The following C16orf96 variants were observed in gnomAD, a reference collection of about 807,000 sequenced individuals.
C16orf96 encodes uncharacterized protein C16orf96.
Under a neutral mutation model 103.6 loss-of-function variants are expected in C16orf96, and 108 were observed. The observed-to-expected ratio is 1.04, with a 90% CI of 0.89 to 1.22. The LOEUF (loss-of-function observed/expected upper bound fraction) is 1.22, where lower values mean the gene tolerates loss of function less well. Ranked by LOEUF, C16orf96 falls within the 50% of genes most tolerant of loss-of-function variation. The pLI, the probability that C16orf96 is intolerant of heterozygous loss-of-function variation, is 0.00. For synonymous variants in C16orf96, 566 were observed against 593.5 expected (o/e 0.95, Z 0.67); for missense variants, 1,586 against 1,464.2 (o/e 1.08, Z -1.36).
At chr16:4,561,524 GC>G (rs925183245) in intron 1 of C16orf96, 1 of 152,226 alleles carries the variant, frequency 6.6e-6, no homozygotes, top group Non-Finnish European at 1.5e-5. Context: ...CCCCTGGCCT[GC>G]CTTGATGGAT....
At position 4,588,297 on chromosome 16, in the gene C16orf96, C is replaced by G; in HGVS notation, c.2558C>G (p.Ala853Gly). ...VTIHEDSWKKAMEELSKDVNT... is the reference protein window; with the variant it reads ...VTIHEDSWKKGMEELSKDVNT... The stretch of plus-strand genomic sequence containing the variant: ...ATCCATGAGGACAGCTGGAAGAAGG[C>G]TATGGAGGAGCTCAGCAAGGACGTG... The change falls in exon 9 of 16, where the codon GCT (alanine) becomes GGT (glycine). Residue 853 changes from alanine (A) to glycine (G), a missense_variant. Transcript: ENST00000444310. 6.4e-7 allele frequency: 1 copy of G among 1,551,654 alleles called. No individual in the cohort carries two copies. Among genetic ancestry groups the G allele is most frequent in the Non-Finnish European group, 8.7e-7 (1 of 1,146,934 alleles).
chr16:4,575,106 G>T (rs1023103012), intron 4 of C16orf96, 48 bp downstream of exon 4: 3 of 1,548,482 alleles, frequency 1.9e-6, no homozygotes, highest in Non-Finnish European at 2.6e-6. Context: ...GGGAGCAGGC[G>T]GGTGGCTGAC....
At chr16:4,571,957 C>G (rs1184184095) in intron 2 of C16orf96, among the ~76,000 whole-genome samples, 2 of 151,782 alleles carry the variant, frequency 1.3e-5, no homozygotes, top group Non-Finnish European at 2.9e-5. Context: ...TCAAGTGATT[C>G]TCCTGCCTGA....
intron 1 of C16orf96, among the ~76,000 whole-genome samples, chr16:4,569,719 G>C (rs534534368): frequency 6.6e-6 from 1 of 151,502 alleles, no homozygotes; most frequent in South Asian, 2.1e-4. Context: ...AAAAAAGAAG[G>C]CAAAGATAGT....
chr16:4,575,556 C>T lies in C16orf96; in HGVS notation c.1076C>T (p.Thr359Ile), dbSNP rs1377565320. ...ALGPVPGPSVTPGSLPAPWPV... is the reference protein window; with the variant it reads ...ALGPVPGPSVIPGSLPAPWPV... ...GGGCCTGTCCCAGGGCCCAGTGTGA[C>T]ACCTGGGTCCTTGCCAGCACCTTGG... Residue 359 changes from threonine (T) to isoleucine (I), a missense_variant, in exon 5 of 16, where the codon ACA (threonine) becomes ATA (isoleucine). Thr to Ile is a moderately conservative substitution (Grantham distance 89). Transcript: ENST00000444310. The T allele has an allele frequency of 2.0e-6, 3 of 1,533,678 alleles. No homozygotes were observed. The highest frequency in any genetic ancestry group is 2.8e-5 in the African/African-American group (2 of 72,638).
chr16:4,578,145 T>C (rs1421822176), intron 5 of C16orf96, among the ~76,000 whole-genome samples: 1 of 152,120 alleles, frequency 6.6e-6, no homozygotes, highest in Non-Finnish European at 1.5e-5. Flanking sequence ...TTTTTTTAAT[T>C]ATTGTTATTA....
chr16:4,542,684 G>C, the C16orf96 span, among the ~76,000 whole-genome samples: 29,245 of 151,562 alleles, frequency 0.19, 3,095 homozygotes, highest in Middle Eastern at 0.3. Flanking sequence ...TGTAATCCCA[G>C]CTACTCGGGA....
chr16:4,570,825 C>A (rs2059430008), intron 1 of C16orf96, among the ~76,000 whole-genome samples: 1 of 152,120 alleles, frequency 6.6e-6, no homozygotes, highest in Non-Finnish European at 1.5e-5. Context: ...GCAATAATTT[C>A]TGCAGGCAGC....
chr16:4,560,333 C>CT (rs2059315043), intron 1 of C16orf96: 1 of 152,232 alleles, frequency 6.6e-6, no homozygotes, highest in South Asian at 2.1e-4. Context: ...TCCCAAGTAG[C>CT]TGGGACTGTA....
chr16:4,545,347 CA>C, the C16orf96 span, among the ~76,000 whole-genome samples: 2 of 152,220 alleles, frequency 1.3e-5, no homozygotes, highest in African/African-American at 4.8e-5. Context: ...GCTGGGACTA[CA>C]GGTGCATGCA....
chr16:4,594,550 C>T, intron 13 of C16orf96, 40 bp downstream of exon 13: 3 of 1,544,418 alleles, frequency 1.9e-6, no homozygotes, highest in Non-Finnish European at 2.6e-6. Context: ...GGGTGGACGT[C>T]AGCGCACCCC....
In C16orf96 at chr16:4,576,228, C is replaced by T. The variant is rs142163405; in HGVS notation, c.1748C>T (p.Ser583Phe). Residue 583 changes from serine (S) to phenylalanine (F), a missense_variant, in exon 5 of 16, where the codon TCC becomes TTC. By Grantham distance (155) the Ser-to-Phe change is radical. Coordinates refer to ENST00000444310, the MANE Select transcript of C16orf96 (RefSeq NM_001145011.2). ...AAAAAYAAAT[S>F]SAAQAAKVAA... ...GCCGCAGCCTACGCCGCTGCCACAT[C>T]CTCCGCTGCCCAGGCAGCCAAAGTT... The T allele has an allele frequency of 9.3e-4, 1,450 of 1,550,802 alleles. 11 individuals are homozygous for T. The African/African-American group carries it at 0.018, about 19-fold the overall frequency.
At chr16:4,576,922 T>C (rs984900585) in intron 5 of C16orf96, among the ~76,000 whole-genome samples, 1 of 152,226 alleles carries the variant, frequency 6.6e-6, no homozygotes, top group Non-Finnish European at 1.5e-5. Context: ...CCAGGCGTGG[T>C]GGCTCCCACC....
At chr16:4,561,743 G>A (rs1277354715) in intron 1 of C16orf96, 1 of 152,266 alleles carries the variant, frequency 6.6e-6, no homozygotes, top group Non-Finnish European at 1.5e-5. Flanking sequence ...TGCCATGGCA[G>A]CTGGTTCTAG....
chr16:4,545,233 G>T, the C16orf96 span, among the ~76,000 whole-genome samples: 3 of 152,130 alleles, frequency 2.0e-5, no homozygotes, highest in African/African-American at 7.2e-5. Context: ...TTAGGGACAG[G>T]GTCTGTTCTG....
At position 4,588,701 on chromosome 16, in the gene C16orf96, C is replaced by CTT. The variant is rs35941814; in HGVS notation, c.2592+393_2592+394dup. On this transcript the variant is annotated intron_variant, in intron 9 of 15. Coordinates refer to ENST00000444310, the MANE Select transcript of C16orf96 (RefSeq NM_001145011.2). Reference sequence around the variant, plus strand: ...GAGGGGAAGGAAGAAGCAGCAATGTCTTTTTTTTTTTTTTTTTTTTTTTTC... The same window carrying CTT: ...GAGGGGAAGGAAGAAGCAGCAATGTCTTTTTTTTTTTTTTTTTTTTTTTTTTC... Among the ~76,000 whole-genome samples, 69 of 80,266 alleles carry CTT rather than the reference C, an allele frequency of 8.6e-4. 1 individual carries two copies. The highest frequency in any genetic ancestry group is 2.8e-3 in the African/African-American group (64 of 22,616). 52.7% of individuals were successfully genotyped at this position (80,266 alleles called of 152,430 possible). A position where few individuals can be genotyped will look rare whatever the true frequency, so the allele number is the denominator to read the frequency against.
At chr16:4,544,800 T>G in the C16orf96 span, among the ~76,000 whole-genome samples, 1 of 152,042 alleles carries the variant, frequency 6.6e-6, no homozygotes, top group South Asian at 2.1e-4. Flanking sequence ...GGGCCTCAGC[T>G]CCCTCACCTC....
At chr16:4,542,978 C>T in the C16orf96 span, among the ~76,000 whole-genome samples, 1 of 152,062 alleles carries the variant, frequency 6.6e-6, no homozygotes, top group Non-Finnish European at 1.5e-5. Flanking sequence ...TATTCATTTA[C>T]TCATTTGACC....
chr16:4,594,304 G>A (rs1486479657), intron 12 of C16orf96, 47 bp from the exon 13 acceptor site: 4 of 1,539,272 alleles, frequency 2.6e-6, no homozygotes, highest in Non-Finnish European at 3.5e-6. Context: ...CCTGGGCTCT[G>A]GGGTACAGGG....
Sources: gnomAD v4.1 joint callset for allele counts (sites outside exome capture counted in the v4.1 genomes callset) on GRCh38, gnomAD v4.1.1 for gene constraint, MANE v1.5 for transcripts, NCBI Gene and HGNC (gene_info 2026-07-23, HGNC 2026-07-21) for gene names.